The following FER variants were observed in gnomAD, a reference collection of about 807,000 sequenced individuals.
The protein encoded by FER is FER tyrosine kinase, also known as tyrosine-protein kinase Fer.
In FER, 63 loss-of-function variants were observed where a neutral mutation model predicts 111.0. That is an observed-to-expected ratio of 0.57 (90% CI 0.46 to 0.70). FER has a LOEUF of 0.70. Ranked by LOEUF, FER falls within the 30% of genes least tolerant of loss-of-function variation. The pLI is 0.00. For missense variants in FER, 914 were observed against 954.0 expected, an observed-to-expected ratio of 0.96 and a Z score of 0.55; for synonymous variants, 327 against 313.9, an observed-to-expected ratio of 1.04 and a Z score of -0.44.
Position 109,189,816 on chromosome 5 carries a change from A to G in FER, c.*2241A>G, listed in dbSNP as rs1338456914. 6.6e-6 allele frequency: 1 copy of G among 152,196 alleles called. No homozygotes were observed. The highest frequency in any genetic ancestry group is 2.4e-5 in the African/African-American group (1 of 41,458). The allele number at this position is 152,196 out of a possible 1,614,324, so 9.4% of individuals were successfully genotyped here. A position where few individuals can be genotyped will look rare whatever the true frequency, so the allele number is the denominator to read the frequency against. ...ACAAGACCTAAAGCTTAATCCTGAC[A>G]TTCTGGTGTTAAGAATGAACACAGC... is the stretch of plus-strand genomic sequence containing the variant. On this transcript the variant is annotated 3_prime_UTR_variant, in exon 20 of 20. Transcript: ENST00000281092.
At chr5:108,997,905 C>T (rs771045968) in intron 13 of FER, among the ~76,000 whole-genome samples, 1 of 152,032 alleles carries the variant, frequency 6.6e-6, no homozygotes. Flanking sequence ...CCTCCCAGTT[C>T]GAAATTCCCT....
intron 3 of FER, among the ~76,000 whole-genome samples, chr5:108,805,626 A>G (rs147591583): frequency 3.5e-4 from 54 of 152,292 alleles, no homozygotes; most frequent in Middle Eastern, 3.4e-3. Context: ...AGTCTCAGAT[A>G]GAGATGAGGA....
At chr5:108,924,353 T>C (rs1265709991) in intron 10 of FER, among the ~76,000 whole-genome samples, 14 of 114,770 alleles carry the variant, frequency 1.2e-4, no homozygotes, top group African/African-American at 4.9e-4. Context: ...AGAGCGAAAC[T>C]CTGTCTCAAA....
Position 109,195,801 on chromosome 5 carries a change from GCTT to G in FER, c.*8230_*8232del, listed in dbSNP as rs1287685114. 2 of 152,310 alleles carry G rather than the reference GCTT, an allele frequency of 1.3e-5. No individual in the cohort carries two copies. The highest frequency in any genetic ancestry group is 2.1e-4 in the South Asian group (1 of 4,832). 9.4% of individuals were successfully genotyped at this position (152,310 alleles called of 1,614,324 possible). A position where few individuals can be genotyped will look rare whatever the true frequency, so the allele number is the denominator to read the frequency against. ...AGCATTGAGGTTTCCCACTGAAACA[GCTT>G]CTTTAGTCAGACGTCTATAGATTTT... On this transcript the variant is annotated 3_prime_UTR_variant, in exon 20 of 20. Coordinates refer to ENST00000281092, the MANE Select transcript of FER (RefSeq NM_005246.4).
At chr5:109,138,176 T>G (rs936929065) in intron 17 of FER, among the ~76,000 whole-genome samples, 5 of 152,114 alleles carry the variant, frequency 3.3e-5, no homozygotes, top group African/African-American at 1.2e-4. Flanking sequence ...CTCTCTCCAT[T>G]CAGCAAAAAA....
intron 1 of FER, among the ~76,000 whole-genome samples, chr5:108,767,329 A>G (rs113915145): frequency 1.4e-3 from 207 of 152,292 alleles, no homozygotes; most frequent in African/African-American, 4.4e-3. Flanking sequence ...AAATAAATAA[A>G]TAAAACATAT....
chr5:108,864,440 T>G, intron 5 of FER, among the ~76,000 whole-genome samples: 1 of 152,174 alleles, frequency 6.6e-6, no homozygotes. Context: ...TCTCTGCTCT[T>G]TGCTCTGGGG....
At chr5:108,835,331 G>A (rs1392737471) in intron 4 of FER, among the ~76,000 whole-genome samples, 1 of 151,650 alleles carries the variant, frequency 6.6e-6, no homozygotes, top group Non-Finnish European at 1.5e-5. Flanking sequence ...ATAGGCATGC[G>A]CCACCATAGC....
At chr5:108,781,456 T>C (rs548245362) in intron 2 of FER, among the ~76,000 whole-genome samples, 52 of 152,346 alleles carry the variant, frequency 3.4e-4, no homozygotes, top group African/African-American at 1.3e-3. Context: ...CCTCCCAAAG[T>C]GCTGGGATTA....
intron 16 of FER, among the ~76,000 whole-genome samples, chr5:109,082,290 T>C (rs1434935272): frequency 1.3e-5 from 2 of 152,022 alleles, no homozygotes; most frequent in African/African-American, 4.8e-5. Flanking sequence ...TGCACCACCC[T>C]GCACCCAGTA....
intron 3 of FER, among the ~76,000 whole-genome samples, chr5:108,802,465 G>A (rs764710061): frequency 1.1e-4 from 16 of 151,950 alleles, no homozygotes; most frequent in Non-Finnish European, 1.5e-4. Context: ...TACCAAAGTC[G>A]TAAGCATAAT....
At chr5:109,127,965 T>C (rs1751926614) in intron 17 of FER, among the ~76,000 whole-genome samples, 1 of 152,190 alleles carries the variant, frequency 6.6e-6, no homozygotes, top group African/African-American at 2.4e-5. Flanking sequence ...AACTATTTTA[T>C]CTTGTTTTTA....
At chr5:108,756,666 T>A (rs2149917188) in intron 1 of FER, among the ~76,000 whole-genome samples, 1 of 152,186 alleles carries the variant, frequency 6.6e-6, no homozygotes, top group East Asian at 1.9e-4. Context: ...AGATCAGTAT[T>A]TCAATTATTT....
intron 2 of FER, among the ~76,000 whole-genome samples, chr5:108,770,075 A>T (rs940741019): frequency 1.3e-5 from 2 of 152,092 alleles, no homozygotes; most frequent in African/African-American, 4.8e-5. Context: ...CAGCCTCCCA[A>T]GTAGCTGGGA....
chr5:109,003,636 T>A (rs1373994059), intron 13 of FER, among the ~76,000 whole-genome samples: 1 of 151,630 alleles, frequency 6.6e-6, no homozygotes, highest in East Asian at 1.9e-4. Flanking sequence ...ATTAAAAAAA[T>A]AAAAATAAAA....
intron 1 of FER, among the ~76,000 whole-genome samples, chr5:108,761,368 G>C (rs956970207): frequency 2.0e-5 from 3 of 152,256 alleles, no homozygotes; most frequent in Non-Finnish European, 2.9e-5. Context: ...AAATTGTTGT[G>C]TCTCATGGAA....
At chr5:108,892,068 T>A (rs1262515892) in intron 9 of FER, among the ~76,000 whole-genome samples, 4 of 152,122 alleles carry the variant, frequency 2.6e-5, no homozygotes, top group African/African-American at 7.2e-5. Context: ...TCTATCATTG[T>A]TGGACATTTG....
chr5:109,184,044 A>ATATT (rs1758586197), intron 18 of FER, among the ~76,000 whole-genome samples: 1 of 152,202 alleles, frequency 6.6e-6, no homozygotes, highest in African/African-American at 2.4e-5. Context: ...TGTTTGGCAT[A>ATATT]TATTGCTACC....
At position 109,141,800 on chromosome 5, in the gene FER, C is replaced by T. The variant is rs1009694570; in HGVS notation, c.2049-38947C>T. Among the ~76,000 whole-genome samples the T allele has an allele frequency of 6.6e-5, 10 of 152,168 alleles. 1 individual carries two copies. The highest frequency in any genetic ancestry group is 2.2e-4 in the African/African-American group (9 of 41,430). On this transcript the variant is annotated intron_variant, in intron 17 of 19. Transcript: ENST00000281092. The stretch of plus-strand genomic sequence containing the variant: ...GTGGTGGAGATATGTAATCCTCCTG[C>T]AGAGAGAGATACTGTATATTTGTAA...
Sources: gnomAD v4.1 joint callset for allele counts (sites outside exome capture counted in the v4.1 genomes callset) on GRCh38, gnomAD v4.1.1 for gene constraint, MANE v1.5 for transcripts, NCBI Gene and HGNC (gene_info 2026-07-23, HGNC 2026-07-21) for gene names.